Variants in TRIM21 observed in about 807,000 individuals in gnomAD.
The protein encoded by TRIM21 is tripartite motif containing 21.
In TRIM21, 35 loss-of-function variants were observed where a neutral mutation model predicts 36.1. That is an observed-to-expected ratio of 0.97 (90% CI 0.74 to 1.28). The LOEUF is 1.28. TRIM21 is among the 50% of genes most tolerant of loss of function. The pLI, the probability that TRIM21 is intolerant of heterozygous loss-of-function variation, is 0.00. For synonymous variants in TRIM21, 256 were observed against 211.5 expected (o/e 1.21, Z -1.83); for missense variants, 635 against 570.7 (o/e 1.11, Z -1.15).
rs369185146 is a variant in TRIM21, at chr11:4,385,133, T to C, written c.*152A>G. The C allele has an allele frequency of 1.2e-4, 81 of 681,478 alleles. 1 individual carries two copies. The highest frequency in any genetic ancestry group is 1.1e-3 in the South Asian group (53 of 46,572). 42.2% of individuals were successfully genotyped at this position (681,478 alleles called of 1,614,324 possible). On this transcript the variant is annotated 3_prime_UTR_variant, in exon 7 of 7. Transcript: ENST00000254436. Reference sequence around the variant, plus strand: ...AAGCCATCTGGGGCAGGAATGTTGATGGTGAAGTGACTTCCCTGCTAAAGC... The same window carrying C: ...AAGCCATCTGGGGCAGGAATGTTGACGGTGAAGTGACTTCCCTGCTAAAGC...
At position 4,386,323 on chromosome 11, in the gene TRIM21, C is replaced by T. The variant is rs1036449310; in HGVS notation, c.759-66G>A. The stretch of plus-strand genomic sequence containing the variant: ...ATCCCAAACCCTAACACTATAACCT[C>T]CATTGTGGAGGACTCCGATAATTTA... On this transcript the variant is annotated intron_variant, in intron 5 of 6. Transcript: ENST00000254436. 5 of 1,314,870 alleles carry T rather than the reference C, an allele frequency of 3.8e-6. No homozygotes were observed. The African/African-American group carries it at 7.3e-5, about 19-fold the overall frequency. The allele number at this position is 1,314,870 out of a possible 1,614,324, so 81.5% of individuals were successfully genotyped here. A position where few individuals can be genotyped will look rare whatever the true frequency, so the allele number is the denominator to read the frequency against.
rs1262497400 is a variant in TRIM21 at position 4,389,735 on chromosome 11, C to T, written c.423G>A (p.Val141=). Residue 141 remains valine, a synonymous_variant, in exon 3 of 7, where the codon GTG becomes GTA. Transcript: ENST00000254436. ...AAQEYQEKLQ[V]ALGELRRKQE... is the part of the protein sequence containing the mutation. The stretch of plus-strand genomic sequence containing the variant: ...GCTTTCTTCTCAGTTCCCCTAATGC[C>T]ACCTGGAGCTTCTCCTGCAGAGAAA... 2 of 1,613,846 alleles carry T rather than the reference C, an allele frequency of 1.2e-6. No homozygotes were observed. Among genetic ancestry groups the T allele is most frequent in the East Asian group, 2.2e-5 (1 of 44,890 alleles).
Position 4,390,394 on chromosome 11 carries a change from G to A in TRIM21, c.16C>T (p.Arg6Cys), listed in dbSNP as rs775371395. Reference sequence around the variant, plus strand: ...ACCTCCTCCCACATCATTGTCAAGCGTGCTGCTGAAGCCATTGTCAAGTGT... The same window carrying A: ...ACCTCCTCCCACATCATTGTCAAGCATGCTGCTGAAGCCATTGTCAAGTGT... MASAA[R>C]LTMMWEEVTC... The change falls in exon 2 of 7, where the codon CGC (arginine) becomes TGC (cysteine). Residue 6 changes from arginine to cysteine, a missense_variant. Transcript: ENST00000254436. The A allele has an allele frequency of 2.2e-5, 36 of 1,608,280 alleles. No individual in the cohort carries two copies. The highest frequency in any genetic ancestry group is 9.4e-5 in the African/African-American group (7 of 74,812).
In TRIM21 at chr11:4,385,922, G is replaced by A. The variant is rs538020213; in HGVS notation, c.860-69C>T. The A allele has an allele frequency of 1.1e-5, 16 of 1,433,828 alleles. No individual in the cohort carries two copies. In the East Asian group the frequency reaches 2.9e-4, roughly 26 times the overall value. 88.8% of individuals were successfully genotyped at this position (1,433,828 alleles called of 1,614,324 possible). On this transcript the variant is annotated intron_variant, in intron 6 of 6. Transcript: ENST00000254436. ...CACTAAGTCTGTGCCTGTGGTGGGGGGATTTTGTGTAAACTCCAGGGTAAG... is the reference window on the plus strand; with the variant it reads ...CACTAAGTCTGTGCCTGTGGTGGGGAGATTTTGTGTAAACTCCAGGGTAAG...
intron 1 of TRIM21, among the ~76,000 whole-genome samples, chr11:4,392,183 C>T (rs1392174814): frequency 6.6e-6 from 1 of 151,128 alleles, no homozygotes; most frequent in South Asian, 2.1e-4. Context: ...TTCCATATAC[C>T]CATAAATATA....
chr11:4,388,218 T>G, intron 4 of TRIM21, 82 bp downstream of exon 4: 7 of 1,231,582 alleles, frequency 5.7e-6, no homozygotes, highest in Non-Finnish European at 7.9e-6. Context: ...AGGTGTCCAT[T>G]TATTCAAATG....
chr11:4,390,588 T>C, intron 1 of TRIM21, 130 bp from the exon 2 acceptor site: 2 of 639,898 alleles, frequency 3.1e-6, no homozygotes, highest in Non-Finnish European at 5.1e-6. Context: ...ATCCTAAAAT[T>C]TATATGGAAT....
chr11:4,385,144 C>A lies in TRIM21; in HGVS notation c.*141G>T. On this transcript the variant is annotated 3_prime_UTR_variant, in exon 7 of 7. Transcript: ENST00000254436. ...GGCAGGAATGTTGATGGTGAAGTGA[C>A]TTCCCTGCTAAAGCTCGCTTGCTGG... is the stretch of plus-strand genomic sequence containing the variant. 1 of 764,710 alleles carries A rather than the reference C, an allele frequency of 1.3e-6. No homozygotes were observed. 47.4% of individuals were successfully genotyped at this position (764,710 alleles called of 1,614,324 possible). A position where few individuals can be genotyped will look rare whatever the true frequency, so the allele number is the denominator to read the frequency against.
intron 1 of TRIM21, among the ~76,000 whole-genome samples, chr11:4,393,401 C>A (rs2094965482): frequency 6.6e-6 from 1 of 152,060 alleles, no homozygotes; most frequent in Non-Finnish European, 1.5e-5. Flanking sequence ...GGCAGCCGGG[C>A]CCCTTCCCCT....
At chr11:4,388,607 A>G in intron 3 of TRIM21, 77 bp from the exon 4 acceptor site, 2 of 1,415,822 alleles carry the variant, frequency 1.4e-6, no homozygotes, top group Non-Finnish European at 2.0e-6. Context: ...ATTGGTACCT[A>G]TTCCTATCCC....
intron 3 of TRIM21, among the ~76,000 whole-genome samples, chr11:4,389,050 C>T (rs2094959769): frequency 6.6e-6 from 1 of 152,146 alleles, no homozygotes; most frequent in Non-Finnish European, 1.5e-5. Flanking sequence ...GTTTTGTCAC[C>T]ACAACCCAAC....
At chr11:4,392,482 G>A (rs2094964144) in intron 1 of TRIM21, among the ~76,000 whole-genome samples, 1 of 151,892 alleles carries the variant, frequency 6.6e-6, no homozygotes, top group Non-Finnish European at 1.5e-5. Flanking sequence ...CAGGAGAATT[G>A]CTTGAACCTG....
At chr11:4,386,463 G>A in intron 5 of TRIM21, 1 of 625,990 alleles carries the variant, frequency 1.6e-6, no homozygotes, top group Admixed American at 2.5e-5. Context: ...AGGAGGCTCT[G>A]CAGCATGTGG....
At chr11:4,385,906 T>G in intron 6 of TRIM21, 53 bp from the exon 7 acceptor site, 1 of 1,454,802 alleles carries the variant, frequency 6.9e-7, no homozygotes, top group Non-Finnish European at 9.3e-7. Flanking sequence ...TCACTAAGTC[T>G]GTGCCTGTGG....
chr11:4,386,860 G>T (rs1462860889), intron 5 of TRIM21, 108 bp downstream of exon 5: 23 of 1,157,118 alleles, frequency 2.0e-5, no homozygotes, highest in Non-Finnish European at 2.8e-5. Flanking sequence ...AGAATAGGAA[G>T]CCAGATGGGG....
chr11:4,389,874 TCTC>T lies in TRIM21; in HGVS notation c.408+125_409-126del, dbSNP rs1287958706. ...AATGAGGTTGGGTTTAACTTATAAT[TCTC>T]CTCCTACATTAGACATGGAGAGAGG... is the stretch of plus-strand genomic sequence containing the variant. On this transcript the variant is annotated intron_variant, in intron 2 of 6. Transcript: ENST00000254436. The T allele has an allele frequency of 4.0e-6, 6 of 1,499,322 alleles. No individual in the cohort carries two copies. In the African/African-American group the frequency reaches 6.9e-5, roughly 17 times the overall value. 92.9% of individuals were successfully genotyped at this position (1,499,322 alleles called of 1,614,324 possible).
intron 4 of TRIM21, among the ~76,000 whole-genome samples, chr11:4,387,376 C>G (rs114189729): frequency 9.0e-4 from 137 of 152,198 alleles, no homozygotes; most frequent in African/African-American, 3.3e-3. Flanking sequence ...AGAAACCACT[C>G]TATTCCACTT....
chr11:4,388,467 C>T lies in TRIM21; in HGVS notation c.568G>A (p.Val190Ile), dbSNP rs776394317. The change falls in exon 4 of 7, where the codon GTT becomes ATT. Residue 190 changes from valine (V) to isoleucine (I), a missense_variant. Coordinates refer to ENST00000254436, the MANE Select transcript of TRIM21 (RefSeq NM_003141.4). ...TGCAGCTGCCTCTGTTCTTCTTCAA[C>T]CAGGAAGTTTTTTTGCTGCACAAAC... Reference protein sequence around the residue: ...AEFVQQKNFLVEEEQRQLQEL... With the variant: ...AEFVQQKNFLIEEEQRQLQEL... 6.2e-7 allele frequency: 1 copy of T among 1,613,440 alleles called. No homozygotes were observed. The highest frequency in any genetic ancestry group is 1.1e-5 in the South Asian group (1 of 91,080).
Position 4,389,698 on chromosome 11 carries a change from C to T in TRIM21, c.460G>A (p.Glu154Lys). The change falls in exon 3 of 7, where the codon GAG (glutamate) becomes AAG (lysine). Residue 154 changes from glutamate to lysine, a missense_variant. Physicochemically the swap from Glu to Lys is moderately conservative, Grantham distance 56. Transcript: ENST00000254436. ...ATTGCAATTTCCACTTCCAACTTCT[C>T]AGCCAACTCCTGCTTTCTTCTCAGT... ...GELRRKQELA[E>K]KLEVEIAIKR... is the part of the protein sequence containing the mutation. 1.2e-6 allele frequency: 2 copies of T among 1,613,982 alleles called. No homozygotes were observed. Among genetic ancestry groups the T allele is most frequent in the Non-Finnish European group, 1.7e-6 (2 of 1,179,900 alleles).
Sources: gnomAD v4.1 joint callset for allele counts (sites outside exome capture counted in the v4.1 genomes callset) on GRCh38, gnomAD v4.1.1 for gene constraint, MANE v1.5 for transcripts, NCBI Gene and HGNC (gene_info 2026-07-23, HGNC 2026-07-21) for gene names.